Variants in ADAMTS15 observed in about 807,000 individuals in gnomAD.
ADAMTS15 encodes ADAM metallopeptidase with thrombospondin type 1 motif 15.
A neutral mutation model predicts 79.1 loss-of-function variants in ADAMTS15; 35 were observed. The observed-to-expected ratio is 0.44, with a 90% CI of 0.34 to 0.59. ADAMTS15 has a LOEUF of 0.59. Among genes scored for constraint, ADAMTS15 ranks in the 20% least tolerant of loss-of-function variants. The pLI is 0.02. For missense variants in ADAMTS15, 1,324 were observed against 1,318.7 expected (o/e 1.00, Z -0.06); for synonymous variants, 616 against 567.3 (o/e 1.09, Z -1.22).
rs542970624 is a variant in ADAMTS15 at position 130,470,727 on chromosome 11, A to T, written c.1721-193A>T. Among the ~76,000 whole-genome samples the T allele has an allele frequency of 6.1e-4, 92 of 151,962 alleles. 1 individual carries two copies. Among genetic ancestry groups the T allele is most frequent in the African/African-American group, 2.1e-3 (87 of 41,438 alleles). On this transcript the variant is annotated intron_variant, in intron 5 of 7. Coordinates refer to ENST00000299164, the MANE Select transcript of ADAMTS15 (RefSeq NM_139055.4). ...GAGAAGGTTGTGCATAGCTCAGGGG[A>T]TGTGTTTTCATCTGCGCCCTGGGTC...
At chr11:130,455,916 G>A (rs1258748543) in intron 1 of ADAMTS15, among the ~76,000 whole-genome samples, 3 of 152,180 alleles carry the variant, frequency 2.0e-5, no homozygotes, top group South Asian at 2.1e-4. Flanking sequence ...AGTGTCAACC[G>A]GCACTTGCTT....
chr11:130,468,325 G>T (rs1938345369), intron 4 of ADAMTS15, among the ~76,000 whole-genome samples: 1 of 152,198 alleles, frequency 6.6e-6, no homozygotes, highest in Admixed American at 6.5e-5. Flanking sequence ...TGTGGTGTGG[G>T]CAGAGTCCGT....
At chr11:130,455,307 T>G (rs978335308) in intron 1 of ADAMTS15, among the ~76,000 whole-genome samples, 8 of 152,178 alleles carry the variant, frequency 5.3e-5, no homozygotes, top group African/African-American at 1.9e-4. Flanking sequence ...AACTCAAGTT[T>G]GGGATGGCCC....
In ADAMTS15 at chr11:130,462,675, G is replaced by A. The variant is rs1294992354; in HGVS notation, c.1437G>A (p.Val479=). 4 of 1,613,212 alleles carry A rather than the reference G, an allele frequency of 2.5e-6. No individual in the cohort carries two copies. The highest frequency in any genetic ancestry group is 1.7e-4 in the Middle Eastern group (1 of 6,056). The change falls in exon 4 of 8, where the codon GTG becomes GTA. Residue 479 remains valine (V), a synonymous_variant. Transcript: ENST00000299164. This position sits in a 1 kb window ranked among gnomAD's most constrained non-coding sequence, Gnocchi z 4.3. The stretch of plus-strand genomic sequence containing the variant: ...CCGGGAAGGCCAAGGGACAGATGGT[G>A]TGCCAGACCCGCCACTTCCCCTGGG... ...WCTGKAKGQM[V]CQTRHFPWAD...
At chr11:130,463,293 T>C (rs907182001) in intron 4 of ADAMTS15, among the ~76,000 whole-genome samples, 1 of 152,248 alleles carries the variant, frequency 6.6e-6, no homozygotes, top group Non-Finnish European at 1.5e-5. Flanking sequence ...CAAGCTTCCA[T>C]TTCTGTTGCG....
chr11:130,449,344 G>A lies in ADAMTS15; in HGVS notation c.371G>A (p.Arg124His), dbSNP rs745945795. 2.4e-5 allele frequency: 39 copies of A among 1,608,048 alleles called. No homozygotes were observed. Among genetic ancestry groups the A allele is most frequent in the Non-Finnish European group, 3.2e-5 (38 of 1,179,998 alleles). Residue 124 changes from arginine (R) to histidine (H), a missense_variant, in exon 1 of 8, where the codon CGC becomes CAC. Coordinates refer to ENST00000299164, the MANE Select transcript of ADAMTS15 (RefSeq NM_139055.4). The surrounding 1 kb of genome is among the most constrained non-coding windows in gnomAD (Gnocchi z 7.8). ...FAAVSLCGGL[R>H]GAFGYRGAEY... ...GCTGTGAGCCTGTGCGGGGGGCTCC[G>A]CGGAGCCTTTGGCTACCGAGGCGCC...
rs766710609 is a variant in ADAMTS15 at position 130,473,448 on chromosome 11, G to C, written c.2480G>C (p.Ser827Thr). 2 of 1,612,710 alleles carry C rather than the reference G, an allele frequency of 1.2e-6. No individual in the cohort carries two copies. Among genetic ancestry groups the C allele is most frequent in the East Asian group, 4.5e-5 (2 of 44,870 alleles). Residue 827 changes from serine to threonine, a missense_variant, in exon 8 of 8, where the codon AGC (serine) becomes ACC (threonine). By Grantham distance (58) the Ser-to-Thr change is moderately conservative. Coordinates refer to ENST00000299164, the MANE Select transcript of ADAMTS15 (RefSeq NM_139055.4). ...TCTGTCTTGCACAACAGCGTCCTCA[G>C]CCTCTCCAACCAGGTGGAGCAGCCG... The part of the protein sequence containing the change: ...GPSVLHNSVL[S>T]LSNQVEQPDD...
Position 130,449,666 on chromosome 11 carries a change from C to G in ADAMTS15, c.693C>G (p.Val231=). 1 of 1,600,648 alleles carries G rather than the reference C, an allele frequency of 6.2e-7. No individual in the cohort carries two copies. The highest frequency in any genetic ancestry group is 8.5e-7 in the Non-Finnish European group (1 of 1,173,834). ...ETLVVADESM[V]KFHGADLEHY... ...TGGTGGTCGCGGACGAGTCAATGGT[C>G]AAGTTCCACGGCGCGGACCTGGAAC... The change falls in exon 1 of 8, where the codon GTC becomes GTG. Residue 231 remains valine, a synonymous_variant. Coordinates refer to ENST00000299164, the MANE Select transcript of ADAMTS15 (RefSeq NM_139055.4). This position sits in a 1 kb window ranked among gnomAD's most constrained non-coding sequence, Gnocchi z 7.8.
rs1255925792 is a variant in ADAMTS15, at chr11:130,476,213, C to G, written c.*2392C>G. The stretch of plus-strand genomic sequence containing the variant: ...TGATGGAGTAAAGTTACAGCGGTAT[C>G]TCATGTCTACACAAGAAGAGGAACG... On this transcript the variant is annotated 3_prime_UTR_variant, in exon 8 of 8. Coordinates refer to ENST00000299164, the MANE Select transcript of ADAMTS15 (RefSeq NM_139055.4). 1 of 152,208 alleles carries G rather than the reference C, an allele frequency of 6.6e-6. No individual in the cohort carries two copies. The highest frequency in any genetic ancestry group is 1.5e-5 in the Non-Finnish European group (1 of 68,054). The allele number at this position is 152,208 out of a possible 1,614,324, so 9.4% of individuals were successfully genotyped here.
Position 130,449,999 on chromosome 11 carries a change from C to T in ADAMTS15, c.957+69C>T. The T allele has an allele frequency of 6.4e-7, 1 of 1,559,500 alleles. No individual in the cohort carries two copies. The highest frequency in any genetic ancestry group is 1.7e-4 in the Middle Eastern group (1 of 5,874). ...TTTAGGGTCACCTCCCCTAGCGCTC[C>T]AAATCCCCTTTGTATCGTGCAATGC... is the stretch of plus-strand genomic sequence containing the variant. On this transcript the variant is annotated intron_variant, in intron 1 of 7. Transcript: ENST00000299164. The surrounding 1 kb of genome is among the most constrained non-coding windows in gnomAD (Gnocchi z 7.8).
At chr11:130,463,222 G>A (rs763029030) in intron 4 of ADAMTS15, among the ~76,000 whole-genome samples, 19 of 152,218 alleles carry the variant, frequency 1.2e-4, no homozygotes, top group Non-Finnish European at 1.9e-4. Flanking sequence ...CAGGAACAGG[G>A]CTCAGAGCTG....
rs750061948 is a variant in ADAMTS15, at chr11:130,449,741, C to T, written c.768C>T (p.Pro256=). Residue 256 remains proline, a synonymous_variant, in exon 1 of 8, where the codon CCC becomes CCT. Transcript: ENST00000299164. This position sits in a 1 kb window ranked among gnomAD's most constrained non-coding sequence, Gnocchi z 7.8. ...LATAARLYRH[P]SILNPINIVV... ...CGGCGGCGCGACTCTACCGCCATCC[C>T]AGCATCCTCAACCCCATCAACATCG... 6.2e-7 allele frequency: 1 copy of T among 1,612,794 alleles called. No individual in the cohort carries two copies. Among genetic ancestry groups the T allele is most frequent in the South Asian group, 1.1e-5 (1 of 91,024 alleles).
At chr11:130,456,551 G>A (rs946661964) in intron 1 of ADAMTS15, among the ~76,000 whole-genome samples, 4 of 152,152 alleles carry the variant, frequency 2.6e-5, no homozygotes, top group Non-Finnish European at 5.9e-5. Context: ...CATGGATTTT[G>A]GGCTGGACAA....
rs150992880 is a variant in ADAMTS15 at position 130,453,426 on chromosome 11, A to G, written c.957+3496A>G. Among the ~76,000 whole-genome samples, 90 of 146,414 alleles carry G rather than the reference A, an allele frequency of 6.1e-4. 5 individuals carry two copies. In the East Asian group the frequency reaches 0.015, roughly 25 times the overall value. On this transcript the variant is annotated intron_variant, in intron 1 of 7. Transcript: ENST00000299164. The stretch of plus-strand genomic sequence containing the variant: ...TTATTTTTTTTAGGACTTGTATTTT[A>G]TGATTATTCTGTCTGCTTCTTCATT...
chr11:130,458,739 C>T (rs564408444), intron 1 of ADAMTS15, among the ~76,000 whole-genome samples: 6 of 152,150 alleles, frequency 3.9e-5, no homozygotes, highest in Non-Finnish European at 5.9e-5. Flanking sequence ...ATTTCTGCGC[C>T]CTCTCCCTCT....
Position 130,470,170 on chromosome 11 carries a change from A to ACG in ADAMTS15, c.1720+731_1720+732insCG, listed in dbSNP as rs1555081047. 3.1e-4 allele frequency among the ~76,000 whole-genome samples: 18 copies of ACG among 58,160 alleles called. 3 individuals carry two copies. Among genetic ancestry groups the ACG allele is most frequent in the South Asian group, 1.4e-3 (3 of 2,200 alleles). 38.2% of individuals were successfully genotyped at this position (58,160 alleles called of 152,430 possible). On this transcript the variant is annotated intron_variant, in intron 5 of 7. Transcript: ENST00000299164. ...TATATATGTGTATATATATATATAT[A>ACG]TATATATATATGTGTGTATATATAT...
chr11:130,470,170 A>ATATG lies in ADAMTS15; in HGVS notation c.1720+734_1720+735insGTAT, dbSNP rs1555081048. Among the ~76,000 whole-genome samples the ATATG allele has an allele frequency of 2.3e-3, 135 of 58,144 alleles. 6 individuals are homozygous for ATATG. The highest frequency in any genetic ancestry group is 0.012 in the African/African-American group (128 of 10,270). 38.1% of individuals were successfully genotyped at this position (58,144 alleles called of 152,430 possible). ...TATATATGTGTATATATATATATAT[A>ATATG]TATATATATATGTGTGTATATATAT... On this transcript the variant is annotated intron_variant, in intron 5 of 7. Transcript: ENST00000299164.
chr11:130,470,867 C>T (rs1938436410), intron 5 of ADAMTS15, 53 bp from the exon 6 acceptor site: 2 of 1,565,090 alleles, frequency 1.3e-6, no homozygotes, highest in Non-Finnish European at 1.7e-6. Context: ...TTGTCCTTTG[C>T]ACCGGCCTTG....
At chr11:130,454,757 CT>C (rs939485014) in intron 1 of ADAMTS15, among the ~76,000 whole-genome samples, 15 of 152,276 alleles carry the variant, frequency 9.9e-5, no homozygotes, top group African/African-American at 3.6e-4. Context: ...TGCTCGCTCT[CT>C]TTAGTTACAT....
Sources: gnomAD v4.1 joint callset for allele counts (sites outside exome capture counted in the v4.1 genomes callset) on GRCh38, gnomAD v4.1.1 for gene constraint, Gnocchi (gnomAD v3.1) non-coding constraint, MANE v1.5 for transcripts, NCBI Gene and HGNC (gene_info 2026-07-23, HGNC 2026-07-21) for gene names.